Variants in CHST15 observed in about 807,000 individuals in gnomAD.
The protein encoded by CHST15 is B cell RAG associated protein (GALNAC4S-6ST).
A neutral mutation model predicts 53.6 loss-of-function variants in CHST15; 30 were observed. That is an observed-to-expected ratio of 0.56 (90% CI 0.42 to 0.76). The LOEUF (loss-of-function observed/expected upper bound fraction) is 0.76, where lower values mean the gene tolerates loss of function less well. CHST15 is among the 30% of genes least tolerant of loss of function. The pLI is 0.00. For synonymous variants in CHST15, 296 were observed against 289.8 expected, an observed-to-expected ratio of 1.02 and a Z score of -0.22; for missense variants, 627 against 740.5, an observed-to-expected ratio of 0.85 and a Z score of 1.78.
intron 1 of CHST15, among the ~76,000 whole-genome samples, chr10:124,091,987 G>C (rs1186575676): frequency 6.6e-6 from 1 of 151,962 alleles, no homozygotes; most frequent in Non-Finnish European, 1.5e-5. Context: ...CAGGACCCGG[G>C]CGGCTCCGAA....
chr10:124,021,023 G>C, intron 6 of CHST15: 1 of 1,430,578 alleles, frequency 7.0e-7, no homozygotes. Flanking sequence ...TGCTGAGGGA[G>C]GAGGGGGAGG....
Position 124,038,680 on chromosome 10 carries a change from A to G in CHST15, c.1034-9T>C, listed in dbSNP as rs1947617644. The stretch of plus-strand genomic sequence containing the variant: ...GGAGGCACTGGCCTCCCCTGGAAAC[A>G]GAAAACACTCCAAGTGAGCAGGGGT... On this transcript the variant is annotated splice_polypyrimidine_tract_variant and intron_variant, in intron 4 of 7. Coordinates refer to ENST00000435907, the MANE Select transcript of CHST15 (RefSeq NM_001270764.2). 6.2e-7 allele frequency: 1 copy of G among 1,613,564 alleles called. No individual in the cohort carries two copies. Among genetic ancestry groups the G allele is most frequent in the African/African-American group, 1.3e-5 (1 of 74,914 alleles).
chr10:124,071,182 CT>C (rs1325118946), intron 1 of CHST15, among the ~76,000 whole-genome samples: 1 of 152,218 alleles, frequency 6.6e-6, no homozygotes, highest in African/African-American at 2.4e-5. Context: ...GCTCAGCTCT[CT>C]CTTCCTAGCC....
intron 1 of CHST15, among the ~76,000 whole-genome samples, chr10:124,061,650 C>G (rs1306524662): frequency 6.6e-6 from 1 of 152,190 alleles, no homozygotes; most frequent in Non-Finnish European, 1.5e-5. Flanking sequence ...GCAAGCATCA[C>G]TTTTGTAACT....
chr10:124,043,731 A>T (rs1217409567), intron 3 of CHST15, among the ~76,000 whole-genome samples: 1 of 152,224 alleles, frequency 6.6e-6, no homozygotes, highest in African/African-American at 2.4e-5. Context: ...AAGGGCTGAG[A>T]GCAAGGCCTC....
At chr10:124,056,165 C>T (rs1220397610) in intron 1 of CHST15, among the ~76,000 whole-genome samples, 5 of 152,190 alleles carry the variant, frequency 3.3e-5, no homozygotes, top group African/African-American at 9.7e-5. Flanking sequence ...ACCTCTACCC[C>T]ACCACCCAGG....
chr10:124,021,467 T>C, intron 5 of CHST15, 55 bp from the exon 6 acceptor site: 3 of 1,560,040 alleles, frequency 1.9e-6, no homozygotes, highest in Non-Finnish European at 2.6e-6. Context: ...AATCACACCA[T>C]TTGGGCGACA....
chr10:124,093,265 C>T (rs1235779865), intron 1 of CHST15, among the ~76,000 whole-genome samples: 1 of 151,630 alleles, frequency 6.6e-6, no homozygotes, highest in Non-Finnish European at 1.5e-5. Context: ...CCACCGCCAC[C>T]GCCACCACCG....
At position 124,065,257 on chromosome 10, in the gene CHST15, C is replaced by T. The variant is rs1252337560; in HGVS notation, c.-512-18533G>A. ...AAATTAGCCAGGCATAGTGGTGGTG[C>T]CTACAGTCCCAGCTACTTGGGAGGC... On this transcript the variant is annotated intron_variant, in intron 1 of 7. Transcript: ENST00000435907. Among the ~76,000 whole-genome samples the T allele has an allele frequency of 2.6e-5, 4 of 152,118 alleles. No homozygotes were observed. The South Asian group carries it at 6.2e-4, about 24-fold the overall frequency.
intron 1 of CHST15, among the ~76,000 whole-genome samples, chr10:124,048,770 G>C (rs748732781): frequency 6.6e-5 from 10 of 152,206 alleles, no homozygotes; most frequent in Non-Finnish European, 1.3e-4. Context: ...AATCGAATTA[G>C]ATTCTTTAAA....
intron 1 of CHST15, among the ~76,000 whole-genome samples, chr10:124,059,359 C>T (rs928786637): frequency 6.6e-6 from 1 of 152,202 alleles, no homozygotes; most frequent in Non-Finnish European, 1.5e-5. Context: ...ATTTAGACTA[C>T]AAAGATGAGT....
At chr10:124,064,195 A>G (rs1370331820) in intron 1 of CHST15, among the ~76,000 whole-genome samples, 1 of 152,200 alleles carries the variant, frequency 6.6e-6, no homozygotes. Context: ...AAAAAAAAAA[A>G]TAGACTTACG....
At chr10:124,010,485 T>C in intron 7 of CHST15, 146 bp from the exon 8 acceptor site, 1 of 1,408,600 alleles carries the variant, frequency 7.1e-7, no homozygotes, top group East Asian at 2.6e-5. Flanking sequence ...TTTGGCTGGA[T>C]CCATTTTGGA....
chr10:124,008,479 G>C lies in CHST15; in HGVS notation c.*1670C>G. 1 of 993,096 alleles carries C rather than the reference G, an allele frequency of 1.0e-6. No homozygotes were observed. The highest frequency in any genetic ancestry group is 1.2e-6 in the Non-Finnish European group (1 of 834,150). The allele number at this position is 993,096 out of a possible 1,614,324, so 61.5% of individuals were successfully genotyped here. A position where few individuals can be genotyped will look rare whatever the true frequency, so the allele number is the denominator to read the frequency against. ...GCTCCCAGTGCCGGCTATAGAGAAG[G>C]TGGGGACTGTCCCTGCAAGTGGGAG... On this transcript the variant is annotated 3_prime_UTR_variant, in exon 8 of 8. Transcript: ENST00000435907.
At chr10:124,034,899 CT>C (rs1240224936) in intron 5 of CHST15, among the ~76,000 whole-genome samples, 1 of 144,702 alleles carries the variant, frequency 6.9e-6, no homozygotes, top group Non-Finnish European at 1.5e-5. Flanking sequence ...GGCTCTACCC[CT>C]GATAGGTACC....
At chr10:124,068,115 C>A (rs189837367) in intron 1 of CHST15, among the ~76,000 whole-genome samples, 193 of 152,300 alleles carry the variant, frequency 1.3e-3, no homozygotes, top group African/African-American at 4.3e-3. Flanking sequence ...CCCGGAATAG[C>A]TGGCTCGAGC....
At chr10:124,015,473 G>A (rs1429602683) in intron 6 of CHST15, among the ~76,000 whole-genome samples, 1 of 152,028 alleles carries the variant, frequency 6.6e-6, no homozygotes, top group African/African-American at 2.4e-5. Flanking sequence ...TGCTTGTGGA[G>A]CTTGTCCCCC....
At chr10:124,023,487 A>C (rs1028234149) in intron 5 of CHST15, among the ~76,000 whole-genome samples, 1 of 147,300 alleles carries the variant, frequency 6.8e-6, no homozygotes, top group Non-Finnish European at 1.5e-5. Context: ...ACCTCTCTCA[A>C]AAAAAAAAAA....
At chr10:124,069,813 T>G (rs1255752950) in intron 1 of CHST15, among the ~76,000 whole-genome samples, 2 of 152,200 alleles carry the variant, frequency 1.3e-5, no homozygotes, top group African/African-American at 4.8e-5. Context: ...TCTCATTGCC[T>G]GCCTTTAACA....
Sources: allele counts gnomAD v4.1 joint callset (sites outside exome capture counted in the v4.1 genomes callset), GRCh38; gene constraint gnomAD v4.1.1; transcripts MANE v1.5; gene names NCBI Gene and HGNC (gene_info 2026-07-23, HGNC 2026-07-21).